The following FBXL7 variants were observed in gnomAD, a reference collection of about 807,000 sequenced individuals.
The protein encoded by FBXL7 is F-box and leucine rich repeat protein 7.
Under a neutral mutation model 38.3 loss-of-function variants are expected in FBXL7, and 12 were observed. The ratio of observed to expected loss-of-function variants is 0.31; its 90% CI spans 0.20 to 0.51. The LOEUF (loss-of-function observed/expected upper bound fraction) is 0.51. Ranked by LOEUF, FBXL7 falls within the 20% of genes least tolerant of loss-of-function variation. The pLI is 0.98. For missense variants in FBXL7, 567 were observed against 676.4 expected (o/e 0.84, Z 1.79); for synonymous variants, 297 against 300.9 (o/e 0.99, Z 0.13).
At chr5:15,808,919 G>T (rs188796336) in intron 2 of FBXL7, among the ~76,000 whole-genome samples, 1 of 152,004 alleles carries the variant, frequency 6.6e-6, no homozygotes, top group Non-Finnish European at 1.5e-5. Flanking sequence ...ATATCATTTC[G>T]CCCATCCTGA....
At chr5:15,533,428 G>A (rs187503839) in intron 1 of FBXL7, among the ~76,000 whole-genome samples, 62 of 152,270 alleles carry the variant, frequency 4.1e-4, no homozygotes, top group Non-Finnish European at 3.2e-4. Context: ...TTGGTGGGGA[G>A]CCAAGGGGAT....
At chr5:15,915,371 C>G (rs927812609) in intron 2 of FBXL7, among the ~76,000 whole-genome samples, 1 of 152,182 alleles carries the variant, frequency 6.6e-6, no homozygotes, top group African/African-American at 2.4e-5. Context: ...TCCTTTCTTG[C>G]TTCTTGCAGC....
At chr5:15,844,594 A>T (rs1044756843) in intron 2 of FBXL7, among the ~76,000 whole-genome samples, 1 of 152,194 alleles carries the variant, frequency 6.6e-6, no homozygotes, top group Non-Finnish European at 1.5e-5. Context: ...CATGAAGATG[A>T]ATGGTCAGAA....
intron 2 of FBXL7, among the ~76,000 whole-genome samples, chr5:15,774,141 G>C (rs1174448843): frequency 6.6e-6 from 1 of 151,898 alleles, no homozygotes; most frequent in African/African-American, 2.4e-5. Context: ...AGCAGAATCT[G>C]TTTCTTTGAT....
intron 2 of FBXL7, among the ~76,000 whole-genome samples, chr5:15,790,636 A>G (rs1001427734): frequency 6.6e-6 from 1 of 152,182 alleles, no homozygotes; most frequent in African/African-American, 2.4e-5. Context: ...TCTTTCTCTT[A>G]CAAATATAGT....
chr5:15,671,546 T>C (rs1579364851), intron 2 of FBXL7, among the ~76,000 whole-genome samples: 2 of 152,236 alleles, frequency 1.3e-5, no homozygotes, highest in East Asian at 1.9e-4. Context: ...AACTCTGATA[T>C]TGGTTTTACA....
intron 2 of FBXL7, among the ~76,000 whole-genome samples, chr5:15,881,493 G>A (rs1740449880): frequency 6.6e-6 from 1 of 152,172 alleles, no homozygotes; most frequent in Admixed American, 6.6e-5. Context: ...ATATGCATGT[G>A]CAAGTATCTT....
At chr5:15,917,669 G>GGAAGGAAA (rs1391242623) in intron 2 of FBXL7, among the ~76,000 whole-genome samples, 1 of 65,562 alleles carries the variant, frequency 1.5e-5, no homozygotes, top group Non-Finnish European at 3.4e-5. Context: ...AAGGAAGGAA[G>GGAAGGAAA]GAAGGAAGGA....
At chr5:15,765,424 A>G (rs1440790793) in intron 2 of FBXL7, among the ~76,000 whole-genome samples, 1 of 152,162 alleles carries the variant, frequency 6.6e-6, no homozygotes, top group Non-Finnish European at 1.5e-5. Context: ...GTTATAATCA[A>G]TATAGTAACA....
At chr5:15,514,015 A>G (rs1056986385) in intron 1 of FBXL7, among the ~76,000 whole-genome samples, 6 of 152,172 alleles carry the variant, frequency 3.9e-5, no homozygotes, top group Non-Finnish European at 7.3e-5. Context: ...TCCTAAAGCC[A>G]TAACAACATG....
chr5:15,857,906 T>C (rs950713176), intron 2 of FBXL7, among the ~76,000 whole-genome samples: 12 of 152,194 alleles, frequency 7.9e-5, no homozygotes, highest in East Asian at 5.8e-4. Context: ...TGTATAATTA[T>C]TGAATGTGTA....
chr5:15,778,321 A>G (rs1359439753), intron 2 of FBXL7, among the ~76,000 whole-genome samples: 1 of 152,106 alleles, frequency 6.6e-6, no homozygotes, highest in African/African-American at 2.4e-5. Context: ...TACTGAGAGA[A>G]TGGACTCCAT....
chr5:15,768,519 A>G (rs541786060), intron 2 of FBXL7, among the ~76,000 whole-genome samples: 2 of 150,994 alleles, frequency 1.3e-5, no homozygotes, highest in South Asian at 4.2e-4. Context: ...CGACGGAGCG[A>G]GACTCTGTCT....
chr5:15,844,076 A>AT, intron 2 of FBXL7, among the ~76,000 whole-genome samples: 1 of 152,120 alleles, frequency 6.6e-6, no homozygotes, highest in Admixed American at 6.5e-5. Context: ...CTGCCTGAAG[A>AT]CGCTACTCCC....
intron 2 of FBXL7, among the ~76,000 whole-genome samples, chr5:15,768,480 G>A (rs1023442283): frequency 6.6e-6 from 1 of 151,290 alleles, no homozygotes; most frequent in East Asian, 1.9e-4. Flanking sequence ...GCAGTGAGCC[G>A]AGATCATGCC....
rs182977556 is a variant in FBXL7, at chr5:15,782,085, G to T, written c.128-145805G>T. On this transcript the variant is annotated intron_variant, in intron 2 of 3. Transcript: ENST00000504595. ...TTATTAGTGAAAACATGCAGTGTTT[G>T]GTTTTCTGCTCCTTTGTTAGTTTGC... is the stretch of plus-strand genomic sequence containing the variant. Among the ~76,000 whole-genome samples the T allele has an allele frequency of 2.6e-5, 4 of 152,172 alleles. No homozygotes were observed. In the East Asian group the frequency reaches 7.7e-4, roughly 29 times the overall value.
At chr5:15,875,886 G>T (rs1235233075) in intron 2 of FBXL7, among the ~76,000 whole-genome samples, 1 of 152,126 alleles carries the variant, frequency 6.6e-6, no homozygotes, top group Non-Finnish European at 1.5e-5. Flanking sequence ...ATTTGACCCA[G>T]CAATCCCATT....
intron 1 of FBXL7, among the ~76,000 whole-genome samples, chr5:15,605,184 T>C (rs1739963053): frequency 6.6e-6 from 1 of 152,140 alleles, no homozygotes; most frequent in Admixed American, 6.5e-5. Context: ...GTGTGCCTTG[T>C]TCCTCTGCTC....
At chr5:15,799,610 C>A (rs1404478657) in intron 2 of FBXL7, among the ~76,000 whole-genome samples, 2 of 152,152 alleles carry the variant, frequency 1.3e-5, no homozygotes, top group Non-Finnish European at 2.9e-5. Context: ...GATCCACCAG[C>A]CTCGGCCTCC....
Sources: gnomAD v4.1 joint callset for allele counts (sites outside exome capture counted in the v4.1 genomes callset) on GRCh38, gnomAD v4.1.1 for gene constraint, MANE v1.5 for transcripts, NCBI Gene and HGNC (gene_info 2026-07-23, HGNC 2026-07-21) for gene names.